Variants in SLC2A5 observed in about 807,000 individuals in gnomAD.
SLC2A5 encodes the protein solute carrier family 2, facilitated glucose transporter member 5.
Under a neutral mutation model 50.3 loss-of-function variants are expected in SLC2A5, and 56 were observed. That is an observed-to-expected ratio of 1.11 (90% CI 0.90 to 1.39). The LOEUF (loss-of-function observed/expected upper bound fraction) is 1.39. Ranked by LOEUF, SLC2A5 falls within the 40% of genes most tolerant of loss-of-function variation. The probability of loss-of-function intolerance (pLI) is 0.00; values close to 1 mark genes in which losing one functional copy is unlikely to be tolerated. For synonymous variants in SLC2A5, 269 were observed against 281.9 expected (o/e 0.95, Z 0.46); for missense variants, 566 against 650.1 (o/e 0.87, Z 1.41).
rs1223034311 is a variant in SLC2A5, at chr1:9,039,811, C to G, written c.874G>C (p.Gly292Arg). The G allele has an allele frequency of 6.3e-7, 1 of 1,592,424 alleles. No homozygotes were observed. The highest frequency in any genetic ancestry group is 8.5e-7 in the Non-Finnish European group (1 of 1,170,484). ...AGCCCGGCCCATACAGCGTTGACGCCCGACAGCTGCTGGCCGCCCATGAGG... is the reference window on the plus strand; with the variant it reads ...AGCCCGGCCCATACAGCGTTGACGCGCGACAGCTGCTGGCCGCCCATGAGG... Reference protein sequence around the residue: ...IVLMGGQQLSGVNAIYYYADQ... With the variant: ...IVLMGGQQLSRVNAIYYYADQ... The change falls in exon 7 of 12, where the codon GGC becomes CGC. Residue 292 changes from glycine (G) to arginine (R), a missense_variant. Coordinates refer to ENST00000377424, the MANE Select transcript of SLC2A5 (RefSeq NM_003039.3).
At chr1:9,039,156 C>T (rs1199625630) in intron 8 of SLC2A5, among the ~76,000 whole-genome samples, 2 of 152,230 alleles carry the variant, frequency 1.3e-5, no homozygotes, top group Non-Finnish European at 2.9e-5. Flanking sequence ...AGCTCTAGGG[C>T]CTCCTAATCC....
At chr1:9,091,512 A>G (rs889175434), upstream of SLC2A5, among the ~76,000 whole-genome samples, 1 of 152,184 alleles carries the variant, frequency 6.6e-6, no homozygotes, top group Non-Finnish European at 1.5e-5. Flanking sequence ...TCTACAAGAT[A>G]TGGTCAGCCA....
chr1:9,093,142 T>C (rs1642477496), upstream of SLC2A5, among the ~76,000 whole-genome samples: 1 of 152,014 alleles, frequency 6.6e-6, no homozygotes, highest in South Asian at 2.1e-4. Flanking sequence ...CATCGCCAAC[T>C]CCTTTAATCC....
intron 3 of SLC2A5, among the ~76,000 whole-genome samples, chr1:9,053,497 A>G (rs56980347): frequency 3.2e-5 from 1 of 31,264 alleles, no homozygotes; most frequent in Non-Finnish European, 7.0e-5. Context: ...ATTTATATAT[A>G]ATATATATTA....
Position 9,063,897 on chromosome 1 carries a change from G to T in SLC2A5, c.33+5607C>A, listed in dbSNP as rs796325356. On this transcript the variant is annotated intron_variant, in intron 1 of 11. Coordinates refer to ENST00000377424, the MANE Select transcript of SLC2A5 (RefSeq NM_003039.3). ...TTTTTAGTAGAGACGGGGTTTCACC[G>T]TGTTAGCCAGGATGGTCTCGATCTC... Among the ~76,000 whole-genome samples the T allele has an allele frequency of 2.7e-3, 368 of 138,036 alleles. 16 individuals carry two copies. Among genetic ancestry groups the T allele is most frequent in the African/African-American group, 0.011 (358 of 33,630 alleles). 90.6% of individuals were successfully genotyped at this position (138,036 alleles called of 152,430 possible).
intron 4 of SLC2A5, among the ~76,000 whole-genome samples, chr1:9,046,768 T>C (rs1641446446): frequency 6.6e-6 from 1 of 152,092 alleles, no homozygotes; most frequent in African/African-American, 2.4e-5. Context: ...ATTTTATTTA[T>C]TGATTTATAT....
chr1:9,051,169 CT>C (rs1641563697), intron 3 of SLC2A5, among the ~76,000 whole-genome samples: 3 of 142,178 alleles, frequency 2.1e-5, no homozygotes, highest in African/African-American at 7.9e-5. Context: ...CACAATAAAG[CT>C]TTATTGCAAA....
At chr1:9,062,399 C>T (rs1250023889) in intron 1 of SLC2A5, among the ~76,000 whole-genome samples, 3 of 152,058 alleles carry the variant, frequency 2.0e-5, no homozygotes, top group South Asian at 2.1e-4. Flanking sequence ...CTGAGGCAGG[C>T]GGAGCTCAGA....
chr1:9,038,933 C>G lies in SLC2A5; in HGVS notation c.997-4G>C. On this transcript the variant is annotated splice_polypyrimidine_tract_variant and splice_region_variant and intron_variant, in intron 8 of 11. Coordinates refer to ENST00000377424, the MANE Select transcript of SLC2A5 (RefSeq NM_003039.3). ...CCAGGAGCTCCACCACGAACACCTA[C>G]AGGAGGGTGGCAGGGCTCAGGCGGG... 6.2e-7 allele frequency: 1 copy of G among 1,611,706 alleles called. No individual in the cohort carries two copies. Among genetic ancestry groups the G allele is most frequent in the Non-Finnish European group, 8.5e-7 (1 of 1,179,494 alleles).
chr1:9,059,856 G>T (rs1350030914), intron 1 of SLC2A5, among the ~76,000 whole-genome samples: 3 of 151,942 alleles, frequency 2.0e-5, no homozygotes, highest in African/African-American at 7.3e-5. Context: ...CTTGAGAGAG[G>T]TAAGTGAGGA....
At chr1:9,041,482 G>C in intron 5 of SLC2A5, 1 of 1,310,830 alleles carries the variant, frequency 7.6e-7, no homozygotes, top group East Asian at 2.8e-5. Context: ...GGCTGTCATT[G>C]CTATGCCACG....
intron 2 of SLC2A5, among the ~76,000 whole-genome samples, chr1:9,079,224 C>T (rs1380033069): frequency 1.3e-5 from 2 of 152,142 alleles, no homozygotes; most frequent in African/African-American, 2.4e-5. Context: ...TAGATGTCCC[C>T]GAGGCAGAGA....
At chr1:9,044,846 C>T (rs1641398378) in intron 4 of SLC2A5, among the ~76,000 whole-genome samples, 1 of 152,156 alleles carries the variant, frequency 6.6e-6, no homozygotes, top group Non-Finnish European at 1.5e-5. Context: ...TGAGCCACTG[C>T]ACCCGGCCAT....
rs186793734 is a variant in SLC2A5, at chr1:9,043,180, G to A, written c.419-1243C>T. 1.1e-4 allele frequency among the ~76,000 whole-genome samples: 17 copies of A among 152,284 alleles called. No homozygotes were observed. In the South Asian group the frequency reaches 1.9e-3, roughly 17 times the overall value. ...CTGAGTCAAATGGAGGCTCAGGGAC[G>A]TGGGTCTCTGAAGGGAGGCTCTCAG... is the stretch of plus-strand genomic sequence containing the variant. On this transcript the variant is annotated intron_variant, in intron 4 of 11. Transcript: ENST00000377424.
intron 2 of SLC2A5, among the ~76,000 whole-genome samples, chr1:9,074,996 G>A (rs1367731113): frequency 6.6e-6 from 1 of 151,474 alleles, no homozygotes; most frequent in Non-Finnish European, 1.5e-5. Flanking sequence ...AACTCGGCTT[G>A]AGCAACAGAG....
chr1:9,072,376 G>C (rs1370275443), upstream of SLC2A5: 1 of 148,604 alleles, frequency 6.7e-6, no homozygotes, highest in Non-Finnish European at 1.5e-5. Flanking sequence ...GACAGAGCAA[G>C]ACCCTGTCCC....
Position 9,075,200 on chromosome 1 carries a change from G to T in SLC2A5, c.-58-5606C>A, listed in dbSNP as rs1642269252. On this transcript the variant is annotated intron_variant, in intron 2 of 5. Coordinates refer to the SLC2A5 transcript ENST00000464985. ...CAAAGAGGAAGCAGATGAGTTATAGGTCTGTCTGTGTTTATGTCCCAGGAA... is the reference window on the plus strand; with the variant it reads ...CAAAGAGGAAGCAGATGAGTTATAGTTCTGTCTGTGTTTATGTCCCAGGAA... Among the ~76,000 whole-genome samples, 2 of 152,110 alleles carry T rather than the reference G, an allele frequency of 1.3e-5. 1 individual carries two copies. The highest frequency in any genetic ancestry group is 2.9e-5 in the Non-Finnish European group (2 of 68,016).
intron 3 of SLC2A5, among the ~76,000 whole-genome samples, chr1:9,050,591 A>G (rs1641545040): frequency 6.6e-6 from 1 of 152,214 alleles, no homozygotes; most frequent in Admixed American, 6.6e-5. Context: ...ACCTAAATAT[A>G]AAATGCAAAA....
chr1:9,062,938 T>A (rs2124432881), intron 1 of SLC2A5, among the ~76,000 whole-genome samples: 1 of 152,176 alleles, frequency 6.6e-6, no homozygotes, highest in East Asian at 1.9e-4. Flanking sequence ...GGAGACCAGG[T>A]TACTGCAGAG....
Sources: allele counts gnomAD v4.1 joint callset (sites outside exome capture counted in the v4.1 genomes callset), GRCh38; gene constraint gnomAD v4.1.1; transcripts MANE v1.5; gene names NCBI Gene and HGNC (gene_info 2026-07-23, HGNC 2026-07-21).